FOXN3: variants seen among roughly 807,000 people sequenced by gnomAD.
FOXN3 encodes the protein forkhead box protein N3.
Under a neutral mutation model 38.4 loss-of-function variants are expected in FOXN3, and 7 were observed. That is an observed-to-expected ratio of 0.18 (90% confidence interval 0.10 to 0.34). The LOEUF (loss-of-function observed/expected upper bound fraction) is 0.34. Among genes scored for constraint, FOXN3 ranks in the 10% least tolerant of loss-of-function variants. The pLI is 1.00. For missense variants in FOXN3, 456 were observed against 613.4 expected, an observed-to-expected ratio of 0.74 and a Z score of 2.71; for synonymous variants, 230 against 242.2, an observed-to-expected ratio of 0.95 and a Z score of 0.47.
chr14:89,246,183 C>G lies in FOXN3; in HGVS notation c.745+34767G>C, dbSNP rs1283188817. Among the ~76,000 whole-genome samples the G allele has an allele frequency of 3.3e-5, 5 of 152,264 alleles. No homozygotes were observed. In the East Asian group the frequency reaches 9.6e-4, roughly 29 times the overall value. ...TATATTTCAATAAAACCCATGTTAC[C>G]TTTAAAAGTTACCATTTTCATCAAC... On this transcript the variant is annotated intron_variant, in intron 4 of 5. Coordinates refer to ENST00000557258, the MANE Select transcript of FOXN3 (RefSeq NM_005197.4).
chr14:89,430,309 A>G (rs1892128196), intron 1 of FOXN3, among the ~76,000 whole-genome samples: 1 of 152,210 alleles, frequency 6.6e-6, no homozygotes, highest in Non-Finnish European at 1.5e-5. Context: ...CTTACCATAC[A>G]GAACCTGCTT....
At chr14:89,496,499 T>C (rs910775297) in intron 1 of FOXN3, among the ~76,000 whole-genome samples, 1 of 152,062 alleles carries the variant, frequency 6.6e-6, no homozygotes, top group African/African-American at 2.4e-5. Flanking sequence ...AGTGGAAAGA[T>C]ACCTGGGGGG....
intron 1 of FOXN3, among the ~76,000 whole-genome samples, chr14:89,574,483 C>T (rs576483843): frequency 1.1e-4 from 17 of 152,106 alleles, no homozygotes; most frequent in African/African-American, 3.6e-4. Flanking sequence ...TGCCTGCAAT[C>T]GCCTTCTACC....
chr14:89,524,400 A>AAAAG (rs747350987), intron 1 of FOXN3, among the ~76,000 whole-genome samples: 3 of 54,448 alleles, frequency 5.5e-5, no homozygotes, highest in Admixed American at 3.0e-4. Flanking sequence ...AAAAAAAAAA[A>AAAAG]AAAGAAAGAA....
At chr14:89,613,116 CAAAAA>C (rs10581958) in intron 1 of FOXN3, among the ~76,000 whole-genome samples, 27,458 of 73,416 alleles carry the variant, frequency 0.37, 2,867 homozygotes, top group Admixed American at 0.53. Context: ...GACTCTGTCT[CAAAAA>C]AAAAAAAAAA....
intron 3 of FOXN3, among the ~76,000 whole-genome samples, chr14:89,325,307 C>CCAA (rs1888034218): frequency 8.0e-6 from 1 of 124,328 alleles, no homozygotes; most frequent in Non-Finnish European, 1.7e-5. Context: ...ACCAACACCA[C>CCAA]CACCACGACC....
intron 1 of FOXN3, among the ~76,000 whole-genome samples, chr14:89,483,373 G>A (rs1240579177): frequency 6.6e-6 from 1 of 152,166 alleles, no homozygotes; most frequent in Non-Finnish European, 1.5e-5. Flanking sequence ...CTGGGCAAAT[G>A]AGACATAAGC....
At chr14:89,350,400 C>A in intron 3 of FOXN3, 2 of 285,028 alleles carry the variant, frequency 7.0e-6, no homozygotes, top group Non-Finnish European at 1.3e-5. Flanking sequence ...TGAAAGCTGT[C>A]GACTTTTCTT....
At chr14:89,557,329 C>G (rs1895147614) in intron 1 of FOXN3, among the ~76,000 whole-genome samples, 3 of 152,078 alleles carry the variant, frequency 2.0e-5, no homozygotes. Context: ...GTTAGTATAT[C>G]CTAGGTTTCA....
chr14:89,434,969 C>T (rs1892245493), intron 1 of FOXN3, among the ~76,000 whole-genome samples: 1 of 152,186 alleles, frequency 6.6e-6, no homozygotes, highest in African/African-American at 2.4e-5. Context: ...ACAGATCAAC[C>T]TTAGTCAATT....
chr14:89,389,443 C>G (rs1255134770), intron 2 of FOXN3, among the ~76,000 whole-genome samples: 2 of 152,194 alleles, frequency 1.3e-5, no homozygotes, highest in Non-Finnish European at 2.9e-5. Context: ...CCCACAAGCG[C>G]CCAATCAAGA....
chr14:89,254,635 G>C (rs1596134122), intron 4 of FOXN3, among the ~76,000 whole-genome samples: 1 of 152,132 alleles, frequency 6.6e-6, no homozygotes, highest in East Asian at 1.9e-4. Flanking sequence ...AAATCACTCT[G>C]TCCAACAATA....
Position 89,158,375 on chromosome 14 carries a change from G to A in FOXN3, c.*4039C>T, listed in dbSNP as rs1481741079. Reference sequence around the variant, plus strand: ...TAACTGCTGTGGCCAGCAAGCACTAGACACATTGAATGCCTCTGCAAAACA... The same window carrying A: ...TAACTGCTGTGGCCAGCAAGCACTAAACACATTGAATGCCTCTGCAAAACA... On this transcript the variant is annotated 3_prime_UTR_variant, in exon 6 of 6. Coordinates refer to ENST00000557258, the MANE Select transcript of FOXN3 (RefSeq NM_005197.4). 3.9e-5 allele frequency: 6 copies of A among 152,358 alleles called. No individual in the cohort carries two copies. Among genetic ancestry groups the A allele is most frequent in the African/African-American group, 1.2e-4 (5 of 41,468 alleles). 9.4% of individuals were successfully genotyped at this position (152,358 alleles called of 1,614,324 possible).
chr14:89,246,077 C>T (rs1885286567), intron 4 of FOXN3, among the ~76,000 whole-genome samples: 2 of 152,200 alleles, frequency 1.3e-5, no homozygotes, highest in South Asian at 4.1e-4. Context: ...TCTAAAACTG[C>T]TTGTGCTGAT....
At chr14:89,370,178 C>A (rs989095409) in intron 2 of FOXN3, among the ~76,000 whole-genome samples, 2 of 152,180 alleles carry the variant, frequency 1.3e-5, no homozygotes, top group Non-Finnish European at 2.9e-5. Context: ...CATGTGACCA[C>A]ATATGCAGAA....
chr14:89,370,302 A>G (rs1488220163), intron 2 of FOXN3, among the ~76,000 whole-genome samples: 1 of 152,248 alleles, frequency 6.6e-6, no homozygotes, highest in Non-Finnish European at 1.5e-5. Context: ...AGCTACAAAA[A>G]TGGTCTCTGA....
chr14:89,408,500 C>T (rs760728188), intron 2 of FOXN3, among the ~76,000 whole-genome samples: 4 of 151,266 alleles, frequency 2.6e-5, no homozygotes, highest in Admixed American at 6.6e-5. Context: ...GCAATCCTCC[C>T]GCCTTGGCCT....
chr14:89,416,257 C>T (rs920199443), intron 1 of FOXN3, among the ~76,000 whole-genome samples: 7 of 152,238 alleles, frequency 4.6e-5, no homozygotes, highest in African/African-American at 1.4e-4. Context: ...ACGGGGGAAA[C>T]TGCTCTTATC....
At chr14:89,368,996 G>A (rs1259645198) in intron 2 of FOXN3, among the ~76,000 whole-genome samples, 7 of 152,118 alleles carry the variant, frequency 4.6e-5, no homozygotes, top group East Asian at 1.9e-4. Flanking sequence ...TGACAATGCC[G>A]AAGTGCCCTC....
Sources: allele counts gnomAD v4.1 joint callset (sites outside exome capture counted in the v4.1 genomes callset), GRCh38; gene constraint gnomAD v4.1.1; transcripts MANE v1.5; gene names NCBI Gene and HGNC (gene_info 2026-07-23, HGNC 2026-07-21).